Variants in TAF5 observed in about 807,000 individuals in gnomAD.
TAF5 encodes transcription initiation factor TFIID subunit 5.
Under a neutral mutation model 80.9 loss-of-function variants are expected in TAF5, and 20 were observed. The observed-to-expected ratio is 0.25, with a 90% CI of 0.17 to 0.36. The LOEUF (loss-of-function observed/expected upper bound fraction) is 0.36, where lower values mean the gene tolerates loss of function less well. TAF5 is among the 10% of genes least tolerant of loss of function. The probability of loss-of-function intolerance (pLI) is 1.00; values close to 1 mark genes in which losing one functional copy is unlikely to be tolerated. For missense variants in TAF5, 863 were observed against 1,029.4 expected (o/e 0.84, Z 2.21); for synonymous variants, 388 against 406.4 (o/e 0.95, Z 0.55).
At chr10:103,380,408 A>G (rs1165443681) in intron 5 of TAF5, among the ~76,000 whole-genome samples, 1 of 151,798 alleles carries the variant, frequency 6.6e-6, no homozygotes, top group Non-Finnish European at 1.5e-5. Flanking sequence ...GATTACAGGC[A>G]TGAGCCACCG....
At chr10:103,376,913 A>G (rs1228583543) in intron 2 of TAF5, among the ~76,000 whole-genome samples, 2 of 152,162 alleles carry the variant, frequency 1.3e-5, no homozygotes, top group African/African-American at 4.8e-5. Flanking sequence ...CCATGGTGGC[A>G]CGTGCCTGTA....
chr10:103,387,791 A>C, intron 10 of TAF5, 93 bp downstream of exon 10: 1 of 1,330,614 alleles, frequency 7.5e-7, no homozygotes, highest in Non-Finnish European at 1.0e-6. Context: ...TTTAGGTTTT[A>C]CTTCCCTTTA....
intron 6 of TAF5, 48 bp downstream of exon 6, chr10:103,381,889 C>A (rs542473463): frequency 6.2e-7 from 1 of 1,608,228 alleles, no homozygotes; most frequent in East Asian, 2.2e-5. Flanking sequence ...TAGTCTATAC[C>A]AATCTTGATT....
intron 1 of TAF5, among the ~76,000 whole-genome samples, chr10:103,373,009 C>T (rs2093363081): frequency 1.3e-5 from 2 of 151,820 alleles, no homozygotes; most frequent in Non-Finnish European, 2.9e-5. Context: ...TCAAGACCAT[C>T]CTGGCCAACA....
At chr10:103,379,058 A>G (rs1255389730) in intron 3 of TAF5, among the ~76,000 whole-genome samples, 1 of 152,174 alleles carries the variant, frequency 6.6e-6, no homozygotes, top group Non-Finnish European at 1.5e-5. Flanking sequence ...GGAACCCTGA[A>G]TGCAGTGGCT....
intron 8 of TAF5, among the ~76,000 whole-genome samples, 181 bp from the exon 9 acceptor site, chr10:103,386,994 A>G (rs1322928164): frequency 1.3e-5 from 2 of 151,164 alleles, no homozygotes; most frequent in Non-Finnish European, 2.9e-5. Flanking sequence ...AAAAAATTGT[A>G]CCAGATGAAC....
chr10:103,381,645 G>T (rs1320291052), intron 5 of TAF5, 76 bp from the exon 6 acceptor site: 1 of 1,486,058 alleles, frequency 6.7e-7, no homozygotes, highest in Non-Finnish European at 9.4e-7. Flanking sequence ...AGTATAGTGT[G>T]AAAATGATTA....
At chr10:103,370,325 C>T (rs980281092) in intron 1 of TAF5, among the ~76,000 whole-genome samples, 25 of 88,900 alleles carry the variant, frequency 2.8e-4, no homozygotes, top group South Asian at 8.2e-4. Flanking sequence ...GGTTATGAGG[C>T]TTTTTTTTTT....
Position 103,368,172 on chromosome 10 carries a change from C to G in TAF5, c.183C>G (p.Gly61=). ...VAASSSTGGD[G]GTPKPTVAVS... is the part of the protein sequence containing the mutation. ...CGTCGTCGTCCACTGGCGGGGATGG[C>G]GGGACCCCCAAGCCCACGGTGGCTG... The change falls in exon 1 of 11, where the codon GGC becomes GGG. Residue 61 remains glycine (G), a synonymous_variant. Transcript: ENST00000369839. The G allele has an allele frequency of 7.2e-6, 10 of 1,391,240 alleles. No individual in the cohort carries two copies. In the African/African-American group the frequency reaches 1.4e-4, roughly 19 times the overall value. 86.2% of individuals were successfully genotyped at this position (1,391,240 alleles called of 1,614,324 possible).
chr10:103,370,076 A>T (rs1367080359), intron 1 of TAF5, among the ~76,000 whole-genome samples: 2 of 151,232 alleles, frequency 1.3e-5, no homozygotes, highest in Non-Finnish European at 2.9e-5. Flanking sequence ...TACTAGAAAT[A>T]CAAAAATTAG....
At chr10:103,383,742 C>T (rs770061576) in intron 7 of TAF5, among the ~76,000 whole-genome samples, 7 of 152,084 alleles carry the variant, frequency 4.6e-5, no homozygotes, top group African/African-American at 1.2e-4. Flanking sequence ...CCACACCTGG[C>T]TAATTTTATT....
At chr10:103,384,724 A>G (rs572043066) in intron 7 of TAF5, among the ~76,000 whole-genome samples, 9 of 152,370 alleles carry the variant, frequency 5.9e-5, no homozygotes, top group Admixed American at 1.3e-4. Context: ...TTGTTGCTTG[A>G]TAAGGTTTTG....
At chr10:103,381,256 G>A (rs2093382233) in intron 5 of TAF5, among the ~76,000 whole-genome samples, 1 of 148,990 alleles carries the variant, frequency 6.7e-6, no homozygotes, top group Non-Finnish European at 1.5e-5. Context: ...GCCAAACTTA[G>A]TATTTTATTT....
intron 5 of TAF5, among the ~76,000 whole-genome samples, chr10:103,381,288 A>G (rs2093382328): frequency 6.6e-6 from 1 of 151,064 alleles, no homozygotes; most frequent in African/African-American, 2.4e-5. Context: ...TTTTTTTGAG[A>G]TGGAGTCTCA....
Position 103,368,490 on chromosome 10 carries a change from C to A in TAF5, c.501C>A (p.Gly167=). The A allele has an allele frequency of 6.3e-7, 1 of 1,575,124 alleles. No individual in the cohort carries two copies. ...CGGCCCCCGACCCTCCGGGCACTGG[C>A]GCTTCGGGGGCCACGGTCGTCTCAG... ...GPAAPDPPGT[G]ASGATVVSGS... Residue 167 remains glycine, a synonymous_variant, in exon 1 of 11, where the codon GGC becomes GGA. Transcript: ENST00000369839.
intron 5 of TAF5, 83 bp from the exon 6 acceptor site, chr10:103,381,633 TTAGTA>T (rs1435655459): frequency 7.2e-7 from 1 of 1,382,602 alleles, no homozygotes; most frequent in Non-Finnish European, 1.0e-6. Flanking sequence ...GAGGAGATAT[TTAGTA>T]TAGTGTGAAA....
chr10:103,379,802 G>T (rs780568461), intron 4 of TAF5, 31 bp downstream of exon 4: 65 of 1,592,768 alleles, frequency 4.1e-5, no homozygotes. Context: ...ACTTGTGTGT[G>T]GAGGTATAAG....
intron 7 of TAF5, 71 bp from the exon 8 acceptor site, chr10:103,385,255 A>T: frequency 8.3e-7 from 1 of 1,211,770 alleles, no homozygotes; most frequent in Non-Finnish European, 1.2e-6. Flanking sequence ...ATGTATTCAA[A>T]TGTATATAAA....
chr10:103,383,127 A>G (rs1199178871), intron 6 of TAF5, 111 bp from the exon 7 acceptor site: 19 of 946,374 alleles, frequency 2.0e-5, no homozygotes, highest in Non-Finnish European at 2.7e-5. Context: ...TGCGGTTGGT[A>G]TATAGGAGGA....
Sources: allele counts gnomAD v4.1 joint callset (sites outside exome capture counted in the v4.1 genomes callset), GRCh38; gene constraint gnomAD v4.1.1; transcripts MANE v1.5; gene names NCBI Gene and HGNC (gene_info 2026-07-23, HGNC 2026-07-21).